CHRM3: variants seen among roughly 807,000 people sequenced by gnomAD.
CHRM3 encodes the protein muscarinic acetylcholine receptor M3.
CHRM3 carries 11 observed loss-of-function variants against 41.8 expected under a neutral mutation model. That is an observed-to-expected ratio of 0.26 (90% CI 0.17 to 0.44). The LOEUF is 0.44. CHRM3 is among the 20% of genes least tolerant of loss of function. The pLI, the probability that CHRM3 is intolerant of heterozygous loss-of-function variation, is 1.00. For synonymous variants in CHRM3, 297 were observed against 301.4 expected, an observed-to-expected ratio of 0.99 and a Z score of 0.15; for missense variants, 571 against 745.4, an observed-to-expected ratio of 0.77 and a Z score of 2.72.
At chr1:239,706,725 TGGA>T (rs1451384841) in intron 5 of CHRM3, among the ~76,000 whole-genome samples, 8 of 145,542 alleles carry the variant, frequency 5.5e-5, no homozygotes, top group Admixed American at 5.5e-4. Flanking sequence ...CACATACACA[TGGA>T]GGCATGCACA....
At chr1:239,539,763 T>C (rs1174686083) in intron 2 of CHRM3, among the ~76,000 whole-genome samples, 1 of 148,808 alleles carries the variant, frequency 6.7e-6, no homozygotes, top group East Asian at 2.0e-4. Context: ...CCTGAGTAGG[T>C]GGGACCATGC....
In CHRM3 at chr1:239,909,074, C is replaced by T. The variant is rs776927224; in HGVS notation, c.1623C>T (p.Pro541=). The change falls in exon 7 of 7, where the codon CCC becomes CCT. Residue 541 remains proline, a synonymous_variant. Coordinates refer to ENST00000676153, the MANE Select transcript of CHRM3 (RefSeq NM_001375978.1). ...WLCYINSTVN[P]VCYALCNKTF... is the part of the protein sequence containing the mutation. ...GCTACATCAACAGCACCGTGAACCC[C>T]GTGTGCTATGCTCTGTGCAACAAAA... 4 of 1,614,016 alleles carry T rather than the reference C, an allele frequency of 2.5e-6. No homozygotes were observed. Among genetic ancestry groups the T allele is most frequent in the South Asian group, 2.2e-5 (2 of 91,086 alleles).
rs778872727 is a variant in CHRM3, at chr1:239,908,069, C to A, written c.618C>A (p.Phe206Leu). Residue 206 changes from phenylalanine (F) to leucine (L), a missense_variant, in exon 7 of 7, where the codon TTC (phenylalanine) becomes TTA (leucine). Physicochemically the swap from Phe to Leu is conservative, Grantham distance 22. Coordinates refer to ENST00000676153, the MANE Select transcript of CHRM3 (RefSeq NM_001375978.1). The surrounding 1 kb of genome is among the most constrained non-coding windows in gnomAD (Gnocchi z 7.2). ...TCCTTTGGGCTCCTGCCATCTTGTT[C>A]TGGCAATACTTTGTTGGAAAGAGAA... Reference protein sequence around the residue: ...SFVLWAPAILFWQYFVGKRTV... With the variant: ...SFVLWAPAILLWQYFVGKRTV... The A allele has an allele frequency of 1.2e-6, 2 of 1,614,198 alleles. No individual in the cohort carries two copies. The highest frequency in any genetic ancestry group is 1.1e-5 in the South Asian group (1 of 91,084).
chr1:239,468,887 A>G (rs1572404219), intron 1 of CHRM3, among the ~76,000 whole-genome samples: 1 of 152,326 alleles, frequency 6.6e-6, no homozygotes, highest in African/African-American at 2.4e-5. Context: ...ACAGGAGACA[A>G]AGCTACAAAA....
chr1:239,427,552 C>T (rs61485588), intron 1 of CHRM3, among the ~76,000 whole-genome samples: 1 of 151,910 alleles, frequency 6.6e-6, no homozygotes, highest in Non-Finnish European at 1.5e-5. Flanking sequence ...TTTCTTCCCC[C>T]AGTTGGCCAA....
chr1:239,670,644 C>A (rs1674264989), intron 4 of CHRM3, among the ~76,000 whole-genome samples: 1 of 152,260 alleles, frequency 6.6e-6, no homozygotes, highest in Admixed American at 6.5e-5. Context: ...TCTCCTGCCT[C>A]AGCTTCCCAA....
At chr1:239,862,451 C>G (rs746974558) in intron 6 of CHRM3, among the ~76,000 whole-genome samples, 6 of 152,052 alleles carry the variant, frequency 3.9e-5, no homozygotes, top group Non-Finnish European at 7.4e-5. Flanking sequence ...CCTTAGAAGT[C>G]ATTACATGAC....
intron 1 of CHRM3, among the ~76,000 whole-genome samples, chr1:239,432,978 T>A (rs960821069): frequency 6.6e-6 from 1 of 152,186 alleles, no homozygotes; most frequent in Non-Finnish European, 1.5e-5. Flanking sequence ...CAGTCTTGAC[T>A]TTTTCCCCTA....
intron 1 of CHRM3, among the ~76,000 whole-genome samples, chr1:239,483,499 C>T (rs1284476361): frequency 1.3e-5 from 2 of 152,228 alleles, no homozygotes; most frequent in Non-Finnish European, 2.9e-5. Flanking sequence ...AGAGGGTTTG[C>T]AGGAGCAACT....
At chr1:239,403,653 T>C (rs923037345) in intron 1 of CHRM3, among the ~76,000 whole-genome samples, 1 of 152,060 alleles carries the variant, frequency 6.6e-6, no homozygotes, top group African/African-American at 2.4e-5. Context: ...TAGTCATTAT[T>C]GGTTGATCAT....
At chr1:239,881,636 T>C (rs962915531) in intron 6 of CHRM3, among the ~76,000 whole-genome samples, 2 of 152,208 alleles carry the variant, frequency 1.3e-5, no homozygotes, top group African/African-American at 2.4e-5. Context: ...GCCAGGGACT[T>C]GGAACCCACA....
chr1:239,409,828 G>C (rs1660927722), intron 1 of CHRM3, among the ~76,000 whole-genome samples: 1 of 152,172 alleles, frequency 6.6e-6, no homozygotes, highest in Admixed American at 6.5e-5. Flanking sequence ...TGTAGTCCCA[G>C]CTACTCTCGA....
At chr1:239,848,742 A>T (rs1674474217) in intron 6 of CHRM3, among the ~76,000 whole-genome samples, 1 of 152,144 alleles carries the variant, frequency 6.6e-6, no homozygotes, top group South Asian at 2.1e-4. Context: ...TCATTTCTGG[A>T]AGAGACTTTC....
chr1:239,559,060 C>T (rs566540474), intron 3 of CHRM3, among the ~76,000 whole-genome samples: 8 of 152,154 alleles, frequency 5.3e-5, no homozygotes, highest in Non-Finnish European at 1.0e-4. Context: ...ACTTCCTTAA[C>T]CACTGACATA....
At position 239,660,218 on chromosome 1, in the gene CHRM3, A is replaced by G. The variant is rs922749217; in HGVS notation, c.-249-17968A>G. ...GGTTGGTCTCCAACTCCTGGCCTCA[A>G]GTGATCCTTCTACCTCGGCCTCCCA... On this transcript the variant is annotated intron_variant, in intron 4 of 6. Coordinates refer to ENST00000676153, the MANE Select transcript of CHRM3 (RefSeq NM_001375978.1). Among the ~76,000 whole-genome samples the G allele has an allele frequency of 3.3e-5, 5 of 152,148 alleles. No homozygotes were observed. In the South Asian group the frequency reaches 1.0e-3, roughly 32 times the overall value.
chr1:239,781,456 A>G (rs945079088), intron 5 of CHRM3, among the ~76,000 whole-genome samples: 2 of 152,202 alleles, frequency 1.3e-5, no homozygotes, highest in Admixed American at 6.5e-5. Flanking sequence ...CAACATTGCT[A>G]CAATTGCTTA....
At chr1:239,776,954 C>G (rs1668136670) in intron 5 of CHRM3, among the ~76,000 whole-genome samples, 1 of 152,154 alleles carries the variant, frequency 6.6e-6, no homozygotes. Flanking sequence ...GATTGAGTTA[C>G]CTCCTACCAG....
intron 3 of CHRM3, chr1:239,605,861 C>G (rs972203402): frequency 6.6e-6 from 1 of 152,174 alleles, no homozygotes; most frequent in African/African-American, 2.4e-5. Flanking sequence ...ATATGCATAT[C>G]AATGGTAATA....
At chr1:239,528,196 G>A (rs751400405) in intron 2 of CHRM3, among the ~76,000 whole-genome samples, 17 of 152,166 alleles carry the variant, frequency 1.1e-4, no homozygotes, top group Non-Finnish European at 2.4e-4. Flanking sequence ...CCATGTCTGC[G>A]AGCTCATAGA....
Sources: allele counts gnomAD v4.1 joint callset (sites outside exome capture counted in the v4.1 genomes callset), GRCh38; gene constraint gnomAD v4.1.1; non-coding constraint Gnocchi (gnomAD v3.1); transcripts MANE v1.5; gene names NCBI Gene and HGNC (gene_info 2026-07-23, HGNC 2026-07-21).